Variants in ADAMTS6 observed in about 807,000 individuals in gnomAD.
ADAMTS6 encodes A disintegrin and metalloproteinase with thrombospondin motifs 6.
In ADAMTS6, 23 loss-of-function variants were observed where a neutral mutation model predicts 144.3. That is an observed-to-expected ratio of 0.16 (90% CI 0.11 to 0.23). The LOEUF (loss-of-function observed/expected upper bound fraction) is 0.23. ADAMTS6 is among the 10% of genes least tolerant of loss of function. The pLI is 1.00. For missense variants in ADAMTS6, 999 were observed against 1,379.6 expected (o/e 0.72, Z 4.37); for synonymous variants, 444 against 457.5 (o/e 0.97, Z 0.38).
At chr5:65,437,316 G>C (rs571027224) in intron 7 of ADAMTS6, among the ~76,000 whole-genome samples, 1 of 151,950 alleles carries the variant, frequency 6.6e-6, no homozygotes, top group Admixed American at 6.6e-5. Flanking sequence ...GGATGGTCTC[G>C]ATATCCTGAC....
At chr5:65,368,914 G>A (rs998780051) in intron 7 of ADAMTS6, among the ~76,000 whole-genome samples, 18 of 152,160 alleles carry the variant, frequency 1.2e-4, no homozygotes, top group African/African-American at 4.3e-4. Flanking sequence ...AAATTAGCTA[G>A]GTATGGTAGC....
intron 7 of ADAMTS6, among the ~76,000 whole-genome samples, chr5:65,443,544 C>G (rs1351588782): frequency 6.8e-6 from 1 of 146,582 alleles, no homozygotes; most frequent in Non-Finnish European, 1.5e-5. Context: ...ACTGCTTGAG[C>G]CTGGGAGGCA....
At chr5:65,195,340 C>T (rs1488833777) in intron 21 of ADAMTS6, among the ~76,000 whole-genome samples, 1 of 152,144 alleles carries the variant, frequency 6.6e-6, no homozygotes, top group Non-Finnish European at 1.5e-5. Context: ...TTGATACTTT[C>T]CCATGTCTGG....
chr5:65,446,874 T>C (rs1561549430), intron 7 of ADAMTS6, among the ~76,000 whole-genome samples: 1 of 152,082 alleles, frequency 6.6e-6, no homozygotes, highest in African/African-American at 2.4e-5. Context: ...GTTCTAAAAA[T>C]TGATGATAAT....
chr5:65,246,113 G>GA (rs1759612969), intron 14 of ADAMTS6, among the ~76,000 whole-genome samples: 1 of 152,036 alleles, frequency 6.6e-6, no homozygotes, highest in East Asian at 1.9e-4. Flanking sequence ...AACATCTACA[G>GA]AAAAAAAGAT....
intron 20 of ADAMTS6, among the ~76,000 whole-genome samples, chr5:65,201,255 CTCT>C: frequency 6.6e-6 from 1 of 152,300 alleles, no homozygotes; most frequent in East Asian, 1.9e-4. Flanking sequence ...GAGACCATCG[CTCT>C]TCTTCATTTC....
rs1190156698 is a variant in ADAMTS6 at position 65,293,693 on chromosome 5, A to C, written c.1371-2223T>G. On this transcript the variant is annotated intron_variant, in intron 10 of 24. Transcript: ENST00000381055. ...TTTCTAATCATGGTTCATGTTCTTT[A>C]AAAAATACCAAACCAGAGGACAACT... 2.0e-5 allele frequency among the ~76,000 whole-genome samples: 3 copies of C among 152,284 alleles called. No homozygotes were observed. The East Asian group carries it at 5.8e-4, about 29-fold the overall frequency.
At chr5:65,183,677 A>G (rs1760068381) in intron 22 of ADAMTS6, among the ~76,000 whole-genome samples, 1 of 151,198 alleles carries the variant, frequency 6.6e-6, no homozygotes, top group African/African-American at 2.4e-5. Flanking sequence ...AAATTTCTAG[A>G]AAAGCAAGAT....
At chr5:65,196,995 T>G in intron 21 of ADAMTS6, 27 bp downstream of exon 21, 2 of 1,600,724 alleles carry the variant, frequency 1.2e-6, no homozygotes, top group Non-Finnish European at 1.7e-6. Context: ...CTGAAGAAAA[T>G]AATTCTCATT....
chr5:65,444,958 T>C (rs1297933924), intron 7 of ADAMTS6, among the ~76,000 whole-genome samples: 2 of 152,206 alleles, frequency 1.3e-5, no homozygotes, highest in Non-Finnish European at 2.9e-5. Context: ...TGCAGTTATT[T>C]AAGGTTTTAA....
chr5:65,318,943 T>G (rs565248765), intron 9 of ADAMTS6, among the ~76,000 whole-genome samples: 1 of 152,184 alleles, frequency 6.6e-6, no homozygotes, highest in African/African-American at 2.4e-5. Flanking sequence ...AAATTCTCCA[T>G]GATGTGATTA....
At chr5:65,294,839 AC>A (rs1463830136) in intron 10 of ADAMTS6, among the ~76,000 whole-genome samples, 8 of 149,832 alleles carry the variant, frequency 5.3e-5, no homozygotes, top group African/African-American at 2.0e-4. Context: ...ATTTCCCCCC[AC>A]CCCCAAAGGT....
chr5:65,161,242 T>G (rs1752756824), intron 24 of ADAMTS6, among the ~76,000 whole-genome samples: 1 of 151,712 alleles, frequency 6.6e-6, no homozygotes, highest in South Asian at 2.1e-4. Context: ...CTCCCTATGT[T>G]GCCCAGGCTG....
intron 7 of ADAMTS6, among the ~76,000 whole-genome samples, chr5:65,429,341 C>T (rs1434294556): frequency 6.6e-6 from 1 of 152,128 alleles, no homozygotes; most frequent in Non-Finnish European, 1.5e-5. Context: ...CTTCATCAGA[C>T]TTATCATAAA....
chr5:65,432,512 T>G (rs1355938212), intron 7 of ADAMTS6, among the ~76,000 whole-genome samples: 2 of 151,940 alleles, frequency 1.3e-5, no homozygotes, highest in Non-Finnish European at 2.9e-5. Flanking sequence ...TTGCATACAT[T>G]AGCACTTAAT....
chr5:65,293,780 C>G (rs1276404873), intron 10 of ADAMTS6, among the ~76,000 whole-genome samples: 1 of 152,070 alleles, frequency 6.6e-6, no homozygotes, highest in African/African-American at 2.4e-5. Flanking sequence ...CAAAACTCTT[C>G]TAAGAAAGTT....
Position 65,300,029 on chromosome 5 carries a change from A to G in ADAMTS6, c.1326T>C (p.Phe442=). The G allele has an allele frequency of 6.2e-6, 10 of 1,614,098 alleles. No homozygotes were observed. The highest frequency in any genetic ancestry group is 8.5e-6 in the Non-Finnish European group (10 of 1,179,998). ...AGTCTCGACTGCAAGCAGACCAGGAAAAAGGATTGGTATTCGCAGTAATGT... is the reference window on the plus strand; with the variant it reads ...AGTCTCGACTGCAAGCAGACCAGGAGAAAGGATTGGTATTCGCAGTAATGT... ...AAHITANTNP[F]SWSACSRDYI... Residue 442 remains phenylalanine, a synonymous_variant, in exon 10 of 25, where the codon TTT becomes TTC. Transcript: ENST00000381055.
At chr5:65,206,832 TCTCTCTCACA>T (rs1338987864) in intron 20 of ADAMTS6, among the ~76,000 whole-genome samples, 6 of 110,568 alleles carry the variant, frequency 5.4e-5, no homozygotes, top group Non-Finnish European at 1.1e-4. Flanking sequence ...TCTCTCTCTC[TCTCTCTCACA>T]CACACACACA....
intron 3 of ADAMTS6, among the ~76,000 whole-genome samples, chr5:65,467,028 A>G (rs1203009724): frequency 2.0e-5 from 3 of 147,670 alleles, no homozygotes; most frequent in Non-Finnish European, 4.4e-5. Context: ...GCGACAGAGC[A>G]GACTCCGTCT....
Sources: gnomAD v4.1 joint callset for allele counts (sites outside exome capture counted in the v4.1 genomes callset) on GRCh38, gnomAD v4.1.1 for gene constraint, MANE v1.5 for transcripts, NCBI Gene and HGNC (gene_info 2026-07-23, HGNC 2026-07-21) for gene names.